GSE1: variants seen among roughly 807,000 people sequenced by gnomAD.
GSE1 encodes Gse1 coiled-coil protein, also known as genetic suppressor element 1.
In GSE1, 32 loss-of-function variants were observed where a neutral mutation model predicts 112.6. The ratio of observed to expected loss-of-function variants is 0.28; its 90% CI spans 0.21 to 0.38. The LOEUF (loss-of-function observed/expected upper bound fraction) is 0.38. Ranked by LOEUF, GSE1 falls within the 10% of genes least tolerant of loss-of-function variation. GSE1 has a pLI of 1.00. For synonymous variants in GSE1, 1,115 were observed against 735.6 expected (o/e 1.52, Z -8.35); for missense variants, 2,348 against 1,699.2 (o/e 1.38, Z -6.71).
At chr16:85,229,433 G>A (rs897814661) in intron 1 of GSE1, among the ~76,000 whole-genome samples, 3 of 152,238 alleles carry the variant, frequency 2.0e-5, no homozygotes, top group South Asian at 4.1e-4. Context: ...CACCTGGTCC[G>A]TCCTCTCACT....
At position 85,272,227 on chromosome 16, in the gene GSE1, C is replaced by T. The variant is rs948753228; in HGVS notation, c.2284-85236C>T. ...GGGCTGCACACTTCCTAGCGTGGAG[C>T]GGATAGGGGCCCCTGTCTTTGGCCG... On this transcript the variant is annotated intron_variant, in intron 1 of 2. Coordinates refer to the GSE1 transcript ENST00000637419. Among the ~76,000 whole-genome samples, 78 of 152,316 alleles carry T rather than the reference C, an allele frequency of 5.1e-4. 1 individual carries two copies. Among genetic ancestry groups the T allele is most frequent in the African/African-American group, 1.7e-3 (72 of 41,578 alleles).
Position 85,519,237 on chromosome 16 carries a change from C to T in GSE1, c.2465-114677C>T, listed in dbSNP as rs922185680. 2.8e-4 allele frequency among the ~76,000 whole-genome samples: 42 copies of T among 152,082 alleles called. 1 individual carries two copies. Among genetic ancestry groups the T allele is most frequent in the African/African-American group, 1.0e-3 (42 of 41,402 alleles). On this transcript the variant is annotated intron_variant, in intron 2 of 2. Coordinates refer to the GSE1 transcript ENST00000637419. Reference sequence around the variant, plus strand: ...TCACCACCATCTGTATCATCACCATCACCACCATCGTCACTTTTACCACCA... The same window carrying T: ...TCACCACCATCTGTATCATCACCATTACCACCATCGTCACTTTTACCACCA...
intron 1 of GSE1, among the ~76,000 whole-genome samples, chr16:85,578,933 A>G (rs1047583969): frequency 1.3e-5 from 2 of 151,252 alleles, no homozygotes; most frequent in African/African-American, 4.9e-5. Flanking sequence ...TCCCCCCAGC[A>G]CAGCGATCTG....
At chr16:85,367,928 C>T (rs1382382459) in intron 2 of GSE1, among the ~76,000 whole-genome samples, 1 of 149,286 alleles carries the variant, frequency 6.7e-6, no homozygotes, top group African/African-American at 2.5e-5. Flanking sequence ...CGGCTCACTG[C>T]AACCTCTGCC....
At chr16:85,180,934 T>C (rs373985877) in intron 1 of GSE1, among the ~76,000 whole-genome samples, 1 of 152,260 alleles carries the variant, frequency 6.6e-6, no homozygotes, top group Admixed American at 6.5e-5. Flanking sequence ...TCTTTAAATG[T>C]GTGCCAGGGT....
At chr16:85,343,302 G>A (rs942977976) in intron 1 of GSE1, among the ~76,000 whole-genome samples, 1 of 152,160 alleles carries the variant, frequency 6.6e-6, no homozygotes, top group African/African-American at 2.4e-5. Context: ...TGAGGTGACC[G>A]AGTTCTAGAA....
intron 1 of GSE1, among the ~76,000 whole-genome samples, chr16:85,255,251 C>G (rs556465712): frequency 6.6e-6 from 1 of 152,106 alleles, no homozygotes; most frequent in Non-Finnish European, 1.5e-5. Flanking sequence ...CTGGGAGACC[C>G]GGGAGCCCAG....
chr16:85,624,455 C>T (rs1366836542), intron 1 of GSE1, among the ~76,000 whole-genome samples: 1 of 152,218 alleles, frequency 6.6e-6, no homozygotes, highest in African/African-American at 2.4e-5. Context: ...TTCCTATTCC[C>T]AGCCGTGTAG....
At position 85,534,322 on chromosome 16, in the gene GSE1, A is replaced by G. The variant is rs1285922396; in HGVS notation, c.2465-99592A>G. Among the ~76,000 whole-genome samples, 5 of 151,812 alleles carry G rather than the reference A, an allele frequency of 3.3e-5. No individual in the cohort carries two copies. The East Asian group carries it at 9.7e-4, about 29-fold the overall frequency. On this transcript the variant is annotated intron_variant, in intron 2 of 2. Transcript: ENST00000637419. ...TTTTTAGTAGAGATGAGGTTTCACC[A>G]TGTTGGCCAGGCTGGTCTTGAACTC...
intron 9 of GSE1, among the ~76,000 whole-genome samples, chr16:85,662,081 A>C (rs542883669): frequency 2.4e-3 from 359 of 152,314 alleles, no homozygotes; most frequent in Non-Finnish European, 3.9e-3. Context: ...AGATAGTTTT[A>C]AATATTAATA....
intron 2 of GSE1, among the ~76,000 whole-genome samples, chr16:85,442,019 G>A (rs945603743): frequency 1.3e-5 from 2 of 152,292 alleles, no homozygotes; most frequent in African/African-American, 4.8e-5. Flanking sequence ...CCACCTCCAC[G>A]TGGGCCCCTG....
At chr16:85,176,806 G>T (rs1030491572) in intron 1 of GSE1, among the ~76,000 whole-genome samples, 5 of 152,244 alleles carry the variant, frequency 3.3e-5, no homozygotes, top group Non-Finnish European at 5.9e-5. Context: ...GAGAGCGTCT[G>T]TCGTCACCCA....
intron 1 of GSE1, among the ~76,000 whole-genome samples, chr16:85,615,464 A>AGGGGAAGCT (rs1333543087): frequency 6.6e-6 from 1 of 152,040 alleles, no homozygotes; most frequent in Non-Finnish European, 1.5e-5. Flanking sequence ...CAAAGTCAGG[A>AGGGGAAGCT]GGGGAAGCTG....
chr16:85,613,753 G>A (rs1170721100), intron 1 of GSE1, among the ~76,000 whole-genome samples: 2 of 151,176 alleles, frequency 1.3e-5, no homozygotes, highest in African/African-American at 2.4e-5. Context: ...AGCTGCGGGC[G>A]CTGGAGAGCT....
At chr16:85,278,090 G>C (rs1204940500) in intron 1 of GSE1, among the ~76,000 whole-genome samples, 1 of 152,250 alleles carries the variant, frequency 6.6e-6, no homozygotes, top group Non-Finnish European at 1.5e-5. Flanking sequence ...AAGGTCACGG[G>C]CATGGCCCCG....
In GSE1 at chr16:85,171,510, G is replaced by C. The variant is rs114668750; in HGVS notation, c.1986G>C (p.Glu662Asp). 4,186 of 985,588 alleles carry C rather than the reference G, an allele frequency of 4.2e-3. 127 individuals are homozygous for C. In the African/African-American group the frequency reaches 0.068, roughly 16 times the overall value. 61.1% of individuals were successfully genotyped at this position (985,588 alleles called of 1,614,324 possible). Residue 662 changes from glutamate to aspartate, a missense_variant, in exon 1 of 3, where the codon GAG becomes GAC. Glu to Asp is a conservative substitution (Grantham distance 45). Coordinates refer to the GSE1 transcript ENST00000637419. ...TGCTGGCCCAGTGGCTGCAGCATGA[G>C]GCCCGCAGCTCCCACCACGCTGTCA... is the stretch of plus-strand genomic sequence containing the variant.
chr16:85,657,518 C>G lies in GSE1; in HGVS notation c.1554C>G (p.Phe518Leu), dbSNP rs1228441797. ...KEDRQSQVSE[F>L]RQQVLEQHLD... is the part of the protein sequence containing the mutation. ...ACCGGCAGTCTCAGGTGTCCGAGTT[C>G]CGGCAGCAGGTGCTGGAGCAGCACC... is the stretch of plus-strand genomic sequence containing the variant. The change falls in exon 8 of 16, where the codon TTC becomes TTG. Residue 518 changes from phenylalanine (F) to leucine (L), a missense_variant. Transcript: ENST00000253458. 2.5e-6 allele frequency: 4 copies of G among 1,604,944 alleles called. No homozygotes were observed. The highest frequency in any genetic ancestry group is 2.6e-6 in the Non-Finnish European group (3 of 1,176,306).
Position 85,419,728 on chromosome 16 carries a change from T to C in GSE1, c.2464+62085T>C, listed in dbSNP as rs1278887523. On this transcript the variant is annotated intron_variant, in intron 2 of 2. Transcript: ENST00000637419. This position sits in a 1 kb window ranked among gnomAD's most constrained non-coding sequence, Gnocchi z 6.5. ...TGCACGTTGGAATCAGCTGGGGATC[T>C]CTAAAAACCCCTCTGATGCCTGCCT... Among the ~76,000 whole-genome samples the C allele has an allele frequency of 5.9e-5, 9 of 152,054 alleles. No homozygotes were observed. The highest frequency in any genetic ancestry group is 5.9e-4 in the Admixed American group (9 of 15,268).
chr16:85,180,853 C>T (rs954999513), intron 1 of GSE1, among the ~76,000 whole-genome samples: 1 of 152,154 alleles, frequency 6.6e-6, no homozygotes, highest in Non-Finnish European at 1.5e-5. Flanking sequence ...AACGAAGTGG[C>T]GAATGTAGAA....
Sources: allele counts gnomAD v4.1 joint callset (sites outside exome capture counted in the v4.1 genomes callset), GRCh38; gene constraint gnomAD v4.1.1; non-coding constraint Gnocchi (gnomAD v3.1); transcripts MANE v1.5; gene names NCBI Gene and HGNC (gene_info 2026-07-23, HGNC 2026-07-21).